RHOBTB2: variants seen among roughly 807,000 people sequenced by gnomAD.
RHOBTB2 encodes the protein rho-related BTB domain-containing protein 2.
In RHOBTB2, 39 loss-of-function variants were observed where a neutral mutation model predicts 66.5. That is an observed-to-expected ratio of 0.59 (90% CI 0.45 to 0.77). The LOEUF is 0.77. Among genes scored for constraint, RHOBTB2 ranks in the 30% least tolerant of loss-of-function variants. The pLI, the probability that RHOBTB2 is intolerant of heterozygous loss-of-function variation, is 0.00. For missense variants in RHOBTB2, 755 were observed against 999.1 expected, an observed-to-expected ratio of 0.76 and a Z score of 3.29; for synonymous variants, 390 against 395.0, an observed-to-expected ratio of 0.99 and a Z score of 0.15.
chr8:22,955,943 C>T, the RHOBTB2 span, among the ~76,000 whole-genome samples: 1 of 152,134 alleles, frequency 6.6e-6, no homozygotes, highest in African/African-American at 2.4e-5. Context: ...CTGGAGCTTC[C>T]CCCCAAAGGC....
rs1346470972 is a variant in RHOBTB2 at position 22,994,469 on chromosome 8, AGCGACC to A, written c.-23-91_-23-86del. On this transcript the variant is annotated intron_variant, in intron 2 of 11. Transcript: ENST00000519685. ...TGAGTAGGGCCCTCTATCTGGGCTG[AGCGACC>A]TTGGAGTAATTCGCGGTGTGCTCAT... The A allele has an allele frequency of 5.4e-6, 4 of 744,026 alleles. No individual in the cohort carries two copies. In the East Asian group the frequency reaches 8.3e-5, roughly 15 times the overall value. 46.1% of individuals were successfully genotyped at this position (744,026 alleles called of 1,614,324 possible). A position where few individuals can be genotyped will look rare whatever the true frequency, so the allele number is the denominator to read the frequency against.
At chr8:22,993,074 C>T (rs1810463643) in intron 2 of RHOBTB2, among the ~76,000 whole-genome samples, 1 of 152,228 alleles carries the variant, frequency 6.6e-6, no homozygotes, top group Admixed American at 6.5e-5. Flanking sequence ...CTGGTGCTCC[C>T]TGTTCTGGGC....
intron 7 of RHOBTB2, 59 bp from the exon 8 acceptor site, chr8:23,014,631 G>A (rs1811238196): frequency 6.8e-7 from 1 of 1,472,566 alleles, no homozygotes; most frequent in African/African-American, 1.4e-5. Flanking sequence ...GATGTGGTGG[G>A]GCAGGGTGAG....
chr8:22,975,881 C>T, the RHOBTB2 span, among the ~76,000 whole-genome samples: 3 of 152,164 alleles, frequency 2.0e-5, no homozygotes, highest in African/African-American at 7.2e-5. Context: ...GGTGCGGTGG[C>T]TCACACCTGT....
At chr8:22,964,039 C>T in the RHOBTB2 span, among the ~76,000 whole-genome samples, 1 of 152,170 alleles carries the variant, frequency 6.6e-6, no homozygotes, top group African/African-American at 2.4e-5. Context: ...CCTTGGCCTC[C>T]CAAAGTGCTG....
At position 23,014,794 on chromosome 8, in the gene RHOBTB2, AG is replaced by A; in HGVS notation, c.1860+19del. 1 of 1,601,474 alleles carries A rather than the reference AG, an allele frequency of 6.2e-7. No homozygotes were observed. Among genetic ancestry groups the A allele is most frequent in the Non-Finnish European group, 8.6e-7 (1 of 1,169,218 alleles). The stretch of plus-strand genomic sequence containing the variant: ...ACTGGCTCAGGTATCATGGCAGGGG[AG>A]GGAATCTACAACAGTCTCAGTTCTA... On this transcript the variant is annotated intron_variant, in intron 8 of 9. Coordinates refer to ENST00000251822, the MANE Select transcript of RHOBTB2 (RefSeq NM_015178.3).
At chr8:22,982,261 C>T in the RHOBTB2 span, among the ~76,000 whole-genome samples, 4 of 152,210 alleles carry the variant, frequency 2.6e-5, no homozygotes, top group African/African-American at 9.7e-5. Context: ...CTGGCCTTCC[C>T]ACCTGCTGTC....
intron 6 of RHOBTB2, among the ~76,000 whole-genome samples, chr8:23,008,565 A>G (rs1811042649): frequency 6.6e-6 from 1 of 152,096 alleles, no homozygotes; most frequent in South Asian, 2.1e-4. Context: ...AGGTTTTATT[A>G]TTATTGAGGT....
chr8:22,998,617 C>T (rs1235128275), upstream of RHOBTB2, among the ~76,000 whole-genome samples: 1 of 151,160 alleles, frequency 6.6e-6, no homozygotes, highest in African/African-American at 2.4e-5. Context: ...ACTTGTAGTC[C>T]CAGCTACTCG....
chr8:23,017,621 C>A lies in RHOBTB2; in HGVS notation c.*152C>A. ...GAGCTCTTCTTACCAGCCACCGTGGCTCAGCCAGAGAGGAGCTGAGCCCTG... is the reference window on the plus strand; with the variant it reads ...GAGCTCTTCTTACCAGCCACCGTGGATCAGCCAGAGAGGAGCTGAGCCCTG... On this transcript the variant is annotated 3_prime_UTR_variant, in exon 10 of 10. Transcript: ENST00000251822. This position sits in a 1 kb window ranked among gnomAD's most constrained non-coding sequence, Gnocchi z 5.3. 2 of 1,286,206 alleles carry A rather than the reference C, an allele frequency of 1.6e-6. No homozygotes were observed. The highest frequency in any genetic ancestry group is 2.1e-6 in the Non-Finnish European group (2 of 950,174). 79.7% of individuals were successfully genotyped at this position (1,286,206 alleles called of 1,614,324 possible).
upstream of RHOBTB2, chr8:22,994,633 A>G (rs1306725749): frequency 5.2e-6 from 8 of 1,551,128 alleles, no homozygotes; most frequent in Non-Finnish European, 7.0e-6. Flanking sequence ...ACCTCTTCAG[A>G]CAGCATGTGA....
At chr8:22,972,085 C>T in the RHOBTB2 span, among the ~76,000 whole-genome samples, 1 of 152,178 alleles carries the variant, frequency 6.6e-6, no homozygotes, top group African/African-American at 2.4e-5. Flanking sequence ...CCACCCAGGA[C>T]CCCAGCCCAG....
At chr8:22,980,090 A>G in the RHOBTB2 span, among the ~76,000 whole-genome samples, 1 of 151,964 alleles carries the variant, frequency 6.6e-6, no homozygotes, top group Admixed American at 6.6e-5. Context: ...CTCTTAATAT[A>G]TATGTAGAGA....
At chr8:22,996,823 G>A (rs1810581536), upstream of RHOBTB2, among the ~76,000 whole-genome samples, 1 of 152,110 alleles carries the variant, frequency 6.6e-6, no homozygotes, top group Non-Finnish European at 1.5e-5. Flanking sequence ...CTTGCTGGTG[G>A]GGAAGCCTGG....
chr8:22,989,784 A>G (rs1393745811), intron 1 of RHOBTB2, among the ~76,000 whole-genome samples: 1 of 152,202 alleles, frequency 6.6e-6, no homozygotes, highest in Non-Finnish European at 1.5e-5. Flanking sequence ...TGATTTTGAC[A>G]TACATTAAGC....
At position 23,017,366 on chromosome 8, in the gene RHOBTB2, A is replaced by C. The variant is rs1811321697; in HGVS notation, c.2081A>C (p.Lys694Thr). Residue 694 changes from lysine (K) to threonine (T), a missense_variant, in exon 10 of 10, where the codon AAG becomes ACG. Lys to Thr is a moderately conservative substitution (Grantham distance 78). Coordinates refer to ENST00000251822, the MANE Select transcript of RHOBTB2 (RefSeq NM_015178.3). The surrounding 1 kb of genome is among the most constrained non-coding windows in gnomAD (Gnocchi z 5.3). ...EREKEDYLHL[K>T]RQPKRRWLFW... The stretch of plus-strand genomic sequence containing the variant: ...GAGAAGGAGGACTACCTCCACCTCA[A>C]GCGGCAGCCCAAACGGCGTTGGCTC... The C allele has an allele frequency of 1.2e-6, 2 of 1,614,204 alleles. No individual in the cohort carries two copies. The highest frequency in any genetic ancestry group is 1.7e-6 in the Non-Finnish European group (2 of 1,180,036).
rs927743474 is a variant in RHOBTB2 at position 23,005,433 on chromosome 8, C to T, written c.254C>T (p.Thr85Ile). The T allele has an allele frequency of 1.2e-6, 2 of 1,613,874 alleles. No homozygotes were observed. The highest frequency in any genetic ancestry group is 1.3e-5 in the African/African-American group (1 of 74,910). Residue 85 changes from threonine (T) to isoleucine (I), a missense_variant, in exon 3 of 10, where the codon ACC (threonine) becomes ATC (isoleucine). By Grantham distance (89) the Thr-to-Ile change is moderately conservative. Transcript: ENST00000251822. The part of the protein sequence containing the change: ...DVSVSLRLWD[T>I]FGDHHKDRRF... ...AGCGTCTCTCTGCGCCTCTGGGACA[C>T]CTTTGGAGACCACCACAAAGACCGT... is the stretch of plus-strand genomic sequence containing the variant.
In RHOBTB2 at chr8:23,014,798, A is replaced by T. The variant is rs1205220484; in HGVS notation, c.1860+20A>T. 6.3e-7 allele frequency: 1 copy of T among 1,590,174 alleles called. No homozygotes were observed. Among genetic ancestry groups the T allele is most frequent in the African/African-American group, 1.3e-5 (1 of 74,388 alleles). ...GCTCAGGTATCATGGCAGGGGAGGG[A>T]ATCTACAACAGTCTCAGTTCTACAC... On this transcript the variant is annotated intron_variant, in intron 8 of 9. Transcript: ENST00000251822.
the RHOBTB2 span, among the ~76,000 whole-genome samples, chr8:22,968,169 T>A: frequency 6.6e-6 from 1 of 151,404 alleles, no homozygotes; most frequent in Non-Finnish European, 1.5e-5. Flanking sequence ...AAAAAAAAAA[T>A]TGTTAAAATG....
Sources: gnomAD v4.1 joint callset for allele counts (sites outside exome capture counted in the v4.1 genomes callset) on GRCh38, gnomAD v4.1.1 for gene constraint, Gnocchi (gnomAD v3.1) non-coding constraint, MANE v1.5 for transcripts, NCBI Gene and HGNC (gene_info 2026-07-23, HGNC 2026-07-21) for gene names.